The following SPTLC2 variants were observed in gnomAD, a reference collection of about 807,000 sequenced individuals.
SPTLC2 encodes the protein serine palmitoyltransferase 2.
Under a neutral mutation model 62.0 loss-of-function variants are expected in SPTLC2, and 21 were observed. The observed-to-expected ratio is 0.34, with a 90% confidence interval of 0.24 to 0.49. SPTLC2 has a LOEUF of 0.49. Among genes scored for constraint, SPTLC2 ranks in the 20% least tolerant of loss-of-function variants. The probability of loss-of-function intolerance (pLI) is 0.99; values close to 1 mark genes in which losing one functional copy is unlikely to be tolerated. For missense variants in SPTLC2, 511 were observed against 713.0 expected, an observed-to-expected ratio of 0.72 and a Z score of 3.23; for synonymous variants, 261 against 261.8, an observed-to-expected ratio of 1.00 and a Z score of 0.03.
intron 5 of SPTLC2, among the ~76,000 whole-genome samples, chr14:77,568,900 C>T (rs1160009491): frequency 2.6e-5 from 4 of 151,944 alleles, no homozygotes; most frequent in South Asian, 4.2e-4. Context: ...TTCTGCTTCA[C>T]GTACTTTGAC....
intron 2 of SPTLC2, among the ~76,000 whole-genome samples, chr14:77,584,338 C>T (rs1049097945): frequency 6.6e-6 from 1 of 152,122 alleles, no homozygotes; most frequent in African/African-American, 2.4e-5. Flanking sequence ...CACAGATAGT[C>T]AAATATGTTT....
intron 1 of SPTLC2, among the ~76,000 whole-genome samples, chr14:77,608,385 C>A (rs2079916239): frequency 6.6e-6 from 1 of 152,142 alleles, no homozygotes; most frequent in Non-Finnish European, 1.5e-5. Flanking sequence ...TGAAATATGA[C>A]ACAGTAATTA....
At chr14:77,608,150 C>T (rs1453965627) in intron 1 of SPTLC2, among the ~76,000 whole-genome samples, 1 of 152,150 alleles carries the variant, frequency 6.6e-6, no homozygotes, top group Non-Finnish European at 1.5e-5. Context: ...GTGTGCCAGA[C>T]CCCAGGACCT....
intron 1 of SPTLC2, among the ~76,000 whole-genome samples, chr14:77,614,537 G>A (rs552744359): frequency 6.6e-6 from 1 of 152,192 alleles, no homozygotes; most frequent in Non-Finnish European, 1.5e-5. Context: ...GGTGGCGGGT[G>A]CCTGTAGGCC....
At chr14:77,514,535 A>T (rs1225119008) in intron 11 of SPTLC2, among the ~76,000 whole-genome samples, 1 of 152,164 alleles carries the variant, frequency 6.6e-6, no homozygotes, top group Non-Finnish European at 1.5e-5. Context: ...TAGGAGAAAA[A>T]CATGTATTCA....
In SPTLC2 at chr14:77,562,438, C is replaced by T; in HGVS notation, c.808G>A (p.Ala270Thr). ...ELNHASLVLG[A>T]RLSGATIRIF... is the part of the protein sequence containing the mutation. ...CTAATGGTTGCTCCTGACAGTCTGG[C>T]TCCCAGAACCAGTGATGCATGATTC... The change falls in exon 6 of 12, where the codon GCC (alanine) becomes ACC (threonine). Residue 270 changes from alanine (A) to threonine (T), a missense_variant. Transcript: ENST00000216484. 6.2e-7 allele frequency: 1 copy of T among 1,614,194 alleles called. No individual in the cohort carries two copies. Among genetic ancestry groups the T allele is most frequent in the East Asian group, 2.2e-5 (1 of 44,872 alleles).
chr14:77,518,006 A>ATATT, intron 11 of SPTLC2, 32 bp downstream of exon 11: 1 of 1,614,064 alleles, frequency 6.2e-7, no homozygotes, highest in Non-Finnish European at 8.5e-7. Context: ...AATAAAAGGC[A>ATATT]TATTTATATC....
At chr14:77,542,655 G>A (rs992626320) in intron 9 of SPTLC2, among the ~76,000 whole-genome samples, 6 of 152,166 alleles carry the variant, frequency 3.9e-5, no homozygotes, top group East Asian at 1.9e-4. Context: ...ACAGATCTGC[G>A]TCTTCATATC....
intron 1 of SPTLC2, among the ~76,000 whole-genome samples, chr14:77,611,825 C>CA (rs200111985): frequency 0.28 from 36,638 of 132,230 alleles, 4,660 homozygotes; most frequent in East Asian, 0.35. Context: ...GACTCCGTCT[C>CA]AAAAAAAAAA....
chr14:77,561,009 T>C (rs2079612179), intron 6 of SPTLC2, among the ~76,000 whole-genome samples: 1 of 108,096 alleles, frequency 9.3e-6, no homozygotes, highest in East Asian at 2.8e-4. Context: ...CATGTACCCC[T>C]GAACCTAAAA....
Position 77,581,471 on chromosome 14 carries a change from T to C in SPTLC2, c.328-2362A>G, listed in dbSNP as rs1001865500. ...TGTTGCCCAGGCTGGAGTGTAATGG[T>C]GTGATCTCGCCTCACTGCAACCTCT... On this transcript the variant is annotated intron_variant, in intron 2 of 11. Transcript: ENST00000216484. Among the ~76,000 whole-genome samples, 18 of 146,508 alleles carry C rather than the reference T, an allele frequency of 1.2e-4. No homozygotes were observed. In the South Asian group the frequency reaches 3.3e-3, roughly 27 times the overall value.
At chr14:77,575,430 C>T (rs762966514) in intron 4 of SPTLC2, among the ~76,000 whole-genome samples, 2 of 152,168 alleles carry the variant, frequency 1.3e-5, no homozygotes, top group Admixed American at 1.3e-4. Flanking sequence ...ACCCTTGAAT[C>T]TGGGCTGACC....
chr14:77,510,234 GTAAAA>G lies in SPTLC2; in HGVS notation c.*2045_*2049del. On this transcript the variant is annotated 3_prime_UTR_variant, in exon 12 of 12. Transcript: ENST00000216484. ...TCATCTTTTTCTGTTCTTTAAAAAA[GTAAAA>G]TAAAACTTTGGAATATCTCAAGGGC... The G allele has an allele frequency of 3.4e-6, 1 of 294,792 alleles. No individual in the cohort carries two copies. The highest frequency in any genetic ancestry group is 1.6e-4 in the South Asian group (1 of 6,118). The allele number at this position is 294,792 out of a possible 1,614,324, so 18.3% of individuals were successfully genotyped here.
chr14:77,566,397 C>A (rs2079645048), intron 5 of SPTLC2, among the ~76,000 whole-genome samples: 2 of 152,204 alleles, frequency 1.3e-5, no homozygotes, highest in South Asian at 4.1e-4. Flanking sequence ...GTAGCAGACA[C>A]TATTATCACT....
chr14:77,533,779 TAAC>T (rs2079453466), intron 9 of SPTLC2, among the ~76,000 whole-genome samples: 3 of 152,122 alleles, frequency 2.0e-5, no homozygotes, highest in South Asian at 4.1e-4. Flanking sequence ...ATAGCAAAAG[TAAC>T]AAAAAATATT....
Position 77,531,443 on chromosome 14 carries a change from T to TCTTCTTCTCCTC in SPTLC2, c.1304-9863_1304-9862insGAGGAGAAGAAG, listed in dbSNP as rs1478198521. On this transcript the variant is annotated intron_variant, in intron 9 of 11. Coordinates refer to ENST00000216484, the MANE Select transcript of SPTLC2 (RefSeq NM_004863.4). ...ACTTTCTTCTTCTTCTTCTTCTTCTTCTCCTCCTTCTCCTCCTCCTCCTCC... is the reference window on the plus strand; with the variant it reads ...ACTTTCTTCTTCTTCTTCTTCTTCTTCTTCTTCTCCTCCTCCTCCTTCTCCTCCTCCTCCTCC... 6.9e-5 allele frequency among the ~76,000 whole-genome samples: 9 copies of TCTTCTTCTCCTC among 130,278 alleles called. 1 individual carries two copies. The highest frequency in any genetic ancestry group is 2.1e-4 in the African/African-American group (7 of 32,836). 85.5% of individuals were successfully genotyped at this position (130,278 alleles called of 152,430 possible).
At chr14:77,532,541 T>C (rs1231413974) in intron 9 of SPTLC2, among the ~76,000 whole-genome samples, 1 of 152,076 alleles carries the variant, frequency 6.6e-6, no homozygotes, top group African/African-American at 2.4e-5. Context: ...ACCCAGCACT[T>C]TGGGAGGCCG....
chr14:77,512,424 T>C (rs369983579), intron 11 of SPTLC2, 21 bp from the exon 12 acceptor site: 44 of 1,613,984 alleles, frequency 2.7e-5, no homozygotes, highest in South Asian at 2.5e-4. Context: ...CAAGACAAAG[T>C]AGAGGTCTGT....
chr14:77,597,824 A>G (rs2079856059), intron 1 of SPTLC2, among the ~76,000 whole-genome samples: 1 of 150,540 alleles, frequency 6.6e-6, no homozygotes, highest in Non-Finnish European at 1.5e-5. Flanking sequence ...AACAAGAAAA[A>G]AAAAAAAAAG....
Sources: allele counts gnomAD v4.1 joint callset (sites outside exome capture counted in the v4.1 genomes callset), GRCh38; gene constraint gnomAD v4.1.1; transcripts MANE v1.5; gene names NCBI Gene and HGNC (gene_info 2026-07-23, HGNC 2026-07-21).